ACAP2: variants seen among roughly 807,000 people sequenced by gnomAD.
ACAP2 encodes arf-GAP with coiled-coil, ANK repeat and PH domain-containing protein 2.
In ACAP2, 39 loss-of-function variants were observed where a neutral mutation model predicts 115.8. That is an observed-to-expected ratio of 0.34 (90% confidence interval 0.26 to 0.44). ACAP2 has a LOEUF of 0.44. ACAP2 is among the 20% of genes least tolerant of loss of function. The probability of loss-of-function intolerance (pLI) is 1.00; values close to 1 mark genes in which losing one functional copy is unlikely to be tolerated. For synonymous variants in ACAP2, 289 were observed against 315.8 expected, an observed-to-expected ratio of 0.92 and a Z score of 0.90; for missense variants, 662 against 927.6, an observed-to-expected ratio of 0.71 and a Z score of 3.72.
rs1244811868 is a variant in ACAP2, at chr3:195,307,293, T to G, written c.940A>C (p.Arg314=). 2 of 1,612,952 alleles carry G rather than the reference T, an allele frequency of 1.2e-6. No homozygotes were observed. The highest frequency in any genetic ancestry group is 8.5e-7 in the Non-Finnish European group (1 of 1,179,290). The change falls in exon 12 of 23, where the codon AGG becomes CGG. Residue 314 remains arginine (R), a synonymous_variant. Coordinates refer to ENST00000326793, the MANE Select transcript of ACAP2 (RefSeq NM_012287.6). ...DNPTVVVEDL[R]LCTVKHCEDI... ...TCACAATGTTTCACTGTGCAAAGCC[T>G]GAGGTCTTCAACTACCACAGTCGGA...
chr3:195,414,040 T>C (rs1288119780), intron 1 of ACAP2, among the ~76,000 whole-genome samples: 1 of 151,716 alleles, frequency 6.6e-6, no homozygotes, highest in Admixed American at 6.6e-5. Context: ...GAAACACAGA[T>C]GGCAAATAAA....
intron 1 of ACAP2, among the ~76,000 whole-genome samples, chr3:195,435,296 T>A (rs1473734027): frequency 6.7e-6 from 1 of 150,286 alleles, no homozygotes; most frequent in Non-Finnish European, 1.5e-5. Context: ...TGCCTCAGCC[T>A]CCCGAGTAGC....
chr3:195,377,534 G>GGA (rs1733636772), intron 4 of ACAP2, among the ~76,000 whole-genome samples: 1 of 152,134 alleles, frequency 6.6e-6, no homozygotes, highest in African/African-American at 2.4e-5. Flanking sequence ...AGTAAACAAG[G>GGA]TAAGTGTTAT....
chr3:195,424,642 G>A (rs559160152), intron 1 of ACAP2, among the ~76,000 whole-genome samples: 15 of 151,876 alleles, frequency 9.9e-5, no homozygotes, highest in African/African-American at 3.4e-4. Context: ...TTTAAGACCA[G>A]GTGCGGTGGT....
chr3:195,400,507 T>TAAA (rs200223859), intron 1 of ACAP2, among the ~76,000 whole-genome samples: 3 of 141,206 alleles, frequency 2.1e-5, no homozygotes, highest in African/African-American at 7.7e-5. Flanking sequence ...CTTTTTCCCT[T>TAAA]AAAAAAAAAA....
intron 1 of ACAP2, among the ~76,000 whole-genome samples, chr3:195,401,033 G>A (rs533675150): frequency 1.3e-5 from 2 of 152,172 alleles, no homozygotes; most frequent in South Asian, 2.1e-4. Flanking sequence ...CTCCGTCTCT[G>A]TAATTAACTA....
At chr3:195,406,049 G>T (rs1258364976) in intron 1 of ACAP2, among the ~76,000 whole-genome samples, 1 of 152,070 alleles carries the variant, frequency 6.6e-6, no homozygotes, top group Non-Finnish European at 1.5e-5. Context: ...TTTGGGCGGG[G>T]ACACAGAACC....
intron 22 of ACAP2, among the ~76,000 whole-genome samples, chr3:195,284,645 G>A (rs932897706): frequency 3.3e-5 from 5 of 152,210 alleles, no homozygotes; most frequent in South Asian, 2.1e-4. Flanking sequence ...TATTAATCTC[G>A]TTAAAATAAA....
intron 15 of ACAP2, 98 bp from the exon 16 acceptor site, chr3:195,297,379 C>A: frequency 1.1e-6 from 1 of 924,920 alleles, no homozygotes; most frequent in Middle Eastern, 3.4e-4. Flanking sequence ...GTTAACTAAT[C>A]CCCTTACACA....
chr3:195,350,906 A>G (rs1731523520), intron 4 of ACAP2, among the ~76,000 whole-genome samples: 1 of 152,044 alleles, frequency 6.6e-6, no homozygotes, highest in Admixed American at 6.5e-5. Flanking sequence ...ACAAGAAAAC[A>G]TTGAAAAAAA....
intron 2 of ACAP2, among the ~76,000 whole-genome samples, chr3:195,387,284 T>C (rs1325686876): frequency 1.3e-5 from 2 of 152,208 alleles, no homozygotes. Context: ...ATCAAACTAA[T>C]ATCCCTAATT....
chr3:195,293,872 G>A (rs945735369), intron 18 of ACAP2, among the ~76,000 whole-genome samples: 5 of 152,000 alleles, frequency 3.3e-5, no homozygotes, highest in Admixed American at 6.6e-5. Context: ...GGTGGCTCGC[G>A]CCTGCAATCC....
intron 1 of ACAP2, among the ~76,000 whole-genome samples, chr3:195,399,848 TA>T (rs1490247454): frequency 6.6e-6 from 1 of 151,896 alleles, no homozygotes; most frequent in Non-Finnish European, 1.5e-5. Context: ...ATTTAAAAAA[TA>T]AAAAAATTTA....
chr3:195,331,787 T>C (rs1037628746), intron 8 of ACAP2, among the ~76,000 whole-genome samples: 1 of 152,136 alleles, frequency 6.6e-6, no homozygotes, highest in Non-Finnish European at 1.5e-5. Flanking sequence ...AAAAATAATT[T>C]GAATATAATG....
chr3:195,345,922 T>C (rs1046982767), intron 4 of ACAP2, among the ~76,000 whole-genome samples: 4 of 152,230 alleles, frequency 2.6e-5, no homozygotes, highest in African/African-American at 9.6e-5. Context: ...GCTCTGTGTA[T>C]GATAAACATC....
intron 13 of ACAP2, among the ~76,000 whole-genome samples, chr3:195,303,042 T>C (rs113340944): frequency 0.022 from 3,285 of 152,240 alleles, 115 homozygotes; most frequent in East Asian, 0.1. Context: ...AGTGAAACCC[T>C]GTCTCTACTA....
At chr3:195,425,275 G>A (rs534463885) in intron 1 of ACAP2, among the ~76,000 whole-genome samples, 2 of 152,022 alleles carry the variant, frequency 1.3e-5, no homozygotes, top group African/African-American at 2.4e-5. Flanking sequence ...GACTGACTTA[G>A]TTACTACATT....
intron 9 of ACAP2, 134 bp downstream of exon 9, chr3:195,326,751 C>T: frequency 1.4e-6 from 1 of 715,588 alleles, no homozygotes; most frequent in South Asian, 2.4e-5. Context: ...TCTTCAAAAA[C>T]AAAAGAGGAA....
At chr3:195,432,717 A>G (rs937450128) in intron 1 of ACAP2, among the ~76,000 whole-genome samples, 3 of 152,232 alleles carry the variant, frequency 2.0e-5, no homozygotes, top group Non-Finnish European at 4.4e-5. Flanking sequence ...CAATTTCTTC[A>G]AAGAAACCGG....
Sources: allele counts gnomAD v4.1 joint callset (sites outside exome capture counted in the v4.1 genomes callset), GRCh38; gene constraint gnomAD v4.1.1; transcripts MANE v1.5; gene names NCBI Gene and HGNC (gene_info 2026-07-23, HGNC 2026-07-21).